CGA: variants seen among roughly 807,000 people sequenced by gnomAD.
The protein encoded by CGA is glycoprotein hormones, alpha polypeptide.
CGA carries 4 observed loss-of-function variants against 12.0 expected under a neutral mutation model. That is an observed-to-expected ratio of 0.33 (90% CI 0.16 to 0.76). The LOEUF (loss-of-function observed/expected upper bound fraction) is 0.76. Ranked by LOEUF, CGA falls within the 30% of genes least tolerant of loss-of-function variation. The pLI, the probability that CGA is intolerant of heterozygous loss-of-function variation, is 0.60. For synonymous variants in CGA, 60 were observed against 56.6 expected (o/e 1.06, Z -0.27); for missense variants, 102 against 143.5 (o/e 0.71, Z 1.48).
At chr6:87,090,708 G>A (rs990528975) in intron 1 of CGA, among the ~76,000 whole-genome samples, 3 of 146,938 alleles carry the variant, frequency 2.0e-5, no homozygotes, top group African/African-American at 7.6e-5. Context: ...TGCAGTCTTG[G>A]CTCACTGCAA....
At chr6:87,093,198 TGCTA>T (rs1769472857) in intron 1 of CGA, among the ~76,000 whole-genome samples, 1 of 152,258 alleles carries the variant, frequency 6.6e-6, no homozygotes, top group Non-Finnish European at 1.5e-5. Context: ...AGTGATCTGA[TGCTA>T]AGATGGTGTC....
At chr6:87,091,385 T>C (rs1403612004) in intron 1 of CGA, among the ~76,000 whole-genome samples, 1 of 152,164 alleles carries the variant, frequency 6.6e-6, no homozygotes, top group African/African-American at 2.4e-5. Flanking sequence ...AATAAATATT[T>C]TTATCATCCT....
In CGA at chr6:87,088,194, A is replaced by T; in HGVS notation, c.7T>A (p.Tyr3Asn). 1 of 1,559,620 alleles carries T rather than the reference A, an allele frequency of 6.4e-7. No individual in the cohort carries two copies. Among genetic ancestry groups the T allele is most frequent in the East Asian group, 2.3e-5 (1 of 43,486 alleles). The change falls in exon 2 of 4, where the codon TAC becomes AAC. Residue 3 changes from tyrosine to asparagine, a missense_variant. By Grantham distance (143) the Tyr-to-Asn change is moderately radical. Transcript: ENST00000627148. MD[Y>N]YRKYAAIFLV... is the part of the protein sequence containing the mutation. Reference sequence around the variant, plus strand: ...AAGATAGCTGCATATTTTCTGTAGTAATCCATGGCGCTCCTGCAGACAGAC... The same window carrying T: ...AAGATAGCTGCATATTTTCTGTAGTTATCCATGGCGCTCCTGCAGACAGAC...
chr6:87,092,446 G>A (rs988330125), intron 1 of CGA, among the ~76,000 whole-genome samples: 1 of 151,950 alleles, frequency 6.6e-6, no homozygotes, highest in Non-Finnish European at 1.5e-5. Flanking sequence ...CTGAGTGAAT[G>A]AGGCTGCAGT....
At chr6:87,085,887 T>C (rs372856498) in intron 3 of CGA, 54 bp from the exon 4 acceptor site, 14 of 1,202,220 alleles carry the variant, frequency 1.2e-5, no homozygotes, top group Non-Finnish European at 1.5e-5. Flanking sequence ...GATAGATAGA[T>C]AGAGACAAAA....
chr6:87,085,684 C>G lies in CGA; in HGVS notation c.*72G>C, dbSNP rs1769304790. On this transcript the variant is annotated 3_prime_UTR_variant, in exon 4 of 4. Transcript: ENST00000627148. ...AAAGGAGAGTTTTATCTCACAAAGC[C>G]ATAAACACTAAACAACTTAATTTTC... The G allele has an allele frequency of 9.6e-7, 1 of 1,036,886 alleles. No homozygotes were observed. Among genetic ancestry groups the G allele is most frequent in the Admixed American group, 1.9e-5 (1 of 52,972 alleles). 64.2% of individuals were successfully genotyped at this position (1,036,886 alleles called of 1,614,324 possible).
chr6:87,093,445 C>A (rs1273468606), intron 1 of CGA, among the ~76,000 whole-genome samples: 1 of 152,212 alleles, frequency 6.6e-6, no homozygotes, highest in East Asian at 1.9e-4. Flanking sequence ...AATTGCTAGA[C>A]TACTTTGTGC....
intron 3 of CGA, 145 bp from the exon 4 acceptor site, chr6:87,085,978 G>A (rs768381550): frequency 2.8e-5 from 20 of 708,338 alleles, no homozygotes; most frequent in Non-Finnish European, 4.6e-5. Flanking sequence ...TCCTTTTTAG[G>A]AAATATTTTT....
intron 1 of CGA, among the ~76,000 whole-genome samples, chr6:87,092,006 G>A (rs529941743): frequency 2.0e-5 from 3 of 152,082 alleles, no homozygotes; most frequent in East Asian, 3.9e-4. Flanking sequence ...GAGAGACTCC[G>A]TCTCAAAAAG....
At chr6:87,092,085 T>C (rs1769443022) in intron 1 of CGA, among the ~76,000 whole-genome samples, 1 of 30,822 alleles carries the variant, frequency 3.2e-5, no homozygotes, top group Non-Finnish European at 6.6e-5. Context: ...TTTAAAAGGA[T>C]TTTTTTTTTT....
At chr6:87,086,039 C>A in intron 3 of CGA, 1 of 645,680 alleles carries the variant, frequency 1.5e-6, no homozygotes, top group Non-Finnish European at 2.7e-6. Context: ...CACCTCTACC[C>A]CTATTCTCCT....
chr6:87,089,798 C>T (rs1418371966), intron 1 of CGA, among the ~76,000 whole-genome samples: 4 of 152,116 alleles, frequency 2.6e-5, no homozygotes, highest in Non-Finnish European at 4.4e-5. Flanking sequence ...ACATTTTGCG[C>T]ACCAACATGA....
chr6:87,088,061 T>C, intron 2 of CGA, 52 bp downstream of exon 2: 1 of 979,822 alleles, frequency 1.0e-6, no homozygotes, highest in Non-Finnish European at 1.5e-6. Flanking sequence ...TTGATGTACA[T>C]CTAGAAATGT....
Position 87,085,600 on chromosome 6 carries a change from G to A in CGA, c.*156C>T, listed in dbSNP as rs1380968279. On this transcript the variant is annotated 3_prime_UTR_variant, in exon 4 of 4. Coordinates refer to ENST00000627148, the MANE Select transcript of CGA (RefSeq NM_000735.4). Reference sequence around the variant, plus strand: ...ACTGCTGATTGTACTGTAGGATAAGGAGGAAGGCAGTAAAGCTGCAGTATA... The same window carrying A: ...ACTGCTGATTGTACTGTAGGATAAGAAGGAAGGCAGTAAAGCTGCAGTATA... The A allele has an allele frequency of 4.8e-6, 3 of 624,840 alleles. No homozygotes were observed. In the African/African-American group the frequency reaches 5.5e-5, roughly 12 times the overall value. 38.7% of individuals were successfully genotyped at this position (624,840 alleles called of 1,614,324 possible). A position where few individuals can be genotyped will look rare whatever the true frequency, so the allele number is the denominator to read the frequency against.
At chr6:87,087,188 CTAAG>C (rs1769339483) in intron 2 of CGA, among the ~76,000 whole-genome samples, 1 of 152,268 alleles carries the variant, frequency 6.6e-6, no homozygotes, top group South Asian at 2.1e-4. Context: ...TGAAAGGAAA[CTAAG>C]TAAGTGCTTT....
intron 1 of CGA, among the ~76,000 whole-genome samples, 160 bp from the exon 2 acceptor site, chr6:87,088,367 G>GT (rs1241023690): frequency 6.6e-6 from 1 of 151,650 alleles, no homozygotes; most frequent in Non-Finnish European, 1.5e-5. Context: ...CTAAAACCAT[G>GT]TAATTTTTTT....
chr6:87,087,844 T>C (rs1446725316), intron 2 of CGA: 4 of 245,372 alleles, frequency 1.6e-5, no homozygotes, highest in East Asian at 7.2e-5. Flanking sequence ...ATTTTCTTCT[T>C]GTAAGACTCA....
At chr6:87,094,937 C>T (rs1180979409) in intron 1 of CGA, 76 bp downstream of exon 1, 1 of 152,188 alleles carries the variant, frequency 6.6e-6, no homozygotes, top group African/African-American at 2.4e-5. Context: ...TATGCAGAGA[C>T]TTTGGAATCT....
intron 1 of CGA, among the ~76,000 whole-genome samples, chr6:87,089,360 G>C (rs1465772595): frequency 7.0e-6 from 1 of 143,484 alleles, no homozygotes; most frequent in African/African-American, 2.5e-5. Flanking sequence ...CTGCATAACA[G>C]AGCACTAGTA....
Sources: allele counts gnomAD v4.1 joint callset (sites outside exome capture counted in the v4.1 genomes callset), GRCh38; gene constraint gnomAD v4.1.1; transcripts MANE v1.5; gene names NCBI Gene and HGNC (gene_info 2026-07-23, HGNC 2026-07-21).